The following CNTN5 variants were observed in gnomAD, a reference collection of about 807,000 sequenced individuals.
CNTN5 encodes the protein contactin 5, also known as contactin-5.
In CNTN5, 77 loss-of-function variants were observed where a neutral mutation model predicts 129.1. The ratio of observed to expected loss-of-function variants is 0.60; its 90% CI spans 0.50 to 0.72. The LOEUF (loss-of-function observed/expected upper bound fraction) is 0.72, where lower values mean the gene tolerates loss of function less well. Among genes scored for constraint, CNTN5 ranks in the 30% least tolerant of loss-of-function variants. CNTN5 has a pLI of 0.00. For missense variants in CNTN5, 1,478 were observed against 1,328.8 expected (o/e 1.11, Z -1.75); for synonymous variants, 509 against 465.6 (o/e 1.09, Z -1.20).
intron 18 of CNTN5, among the ~76,000 whole-genome samples, chr11:100,273,811 T>C (rs1037258016): frequency 6.6e-6 from 1 of 152,232 alleles, no homozygotes; most frequent in African/African-American, 2.4e-5. Flanking sequence ...AAGCAATTTA[T>C]AGAGTTCATG....
intron 21 of CNTN5, among the ~76,000 whole-genome samples, chr11:100,312,936 T>A (rs2138935830): frequency 6.6e-6 from 1 of 152,116 alleles, no homozygotes; most frequent in South Asian, 2.1e-4. Context: ...AGGAAACACA[T>A]AAGTAATAAG....
At position 100,058,911 on chromosome 11, in the gene CNTN5, C is replaced by G. The variant is rs536047329; in HGVS notation, c.981-2301C>G. Among the ~76,000 whole-genome samples, 4 of 152,202 alleles carry G rather than the reference C, an allele frequency of 2.6e-5. No individual in the cohort carries two copies. The South Asian group carries it at 6.2e-4, about 24-fold the overall frequency. On this transcript the variant is annotated intron_variant, in intron 9 of 24. Coordinates refer to ENST00000524871, the MANE Select transcript of CNTN5 (RefSeq NM_014361.4). ...TTTGCTGAAGAGGAGGCATTTAGGA[C>G]AGGTCTCAGAGGATGAGTAGCATTT...
chr11:99,816,833 G>A (rs544689442), intron 3 of CNTN5, among the ~76,000 whole-genome samples: 8 of 151,930 alleles, frequency 5.3e-5, no homozygotes, highest in East Asian at 1.9e-4. Context: ...AATACCCTGC[G>A]CTCCTATTTT....
chr11:99,919,436 C>T (rs1201200977), intron 7 of CNTN5, among the ~76,000 whole-genome samples: 1 of 152,166 alleles, frequency 6.6e-6, no homozygotes, highest in Non-Finnish European at 1.5e-5. Flanking sequence ...CCAATGCCCT[C>T]TTCATTCAGC....
chr11:99,108,178 A>G lies in CNTN5; in HGVS notation c.-210+86908A>G, dbSNP rs530112876. 1.2e-4 allele frequency among the ~76,000 whole-genome samples: 18 copies of G among 152,280 alleles called. 1 individual carries two copies. In the South Asian group the frequency reaches 3.7e-3, roughly 32 times the overall value. On this transcript the variant is annotated intron_variant, in intron 1 of 24. Coordinates refer to ENST00000524871, the MANE Select transcript of CNTN5 (RefSeq NM_014361.4). ...GAGATTACAGTGGATTAGAATTTGT[A>G]TATAACAAAGGCTTTTTGTAAAAGT...
rs948917040 is a variant in CNTN5, at chr11:99,851,916, C to T, written c.577+6654C>T. Reference sequence around the variant, plus strand: ...AAATTGACCTTAGAGTTTAAAACCACATTTTACTAGTAGTGTTTAATACCT... The same window carrying T: ...AAATTGACCTTAGAGTTTAAAACCATATTTTACTAGTAGTGTTTAATACCT... On this transcript the variant is annotated intron_variant, in intron 6 of 24. Coordinates refer to ENST00000524871, the MANE Select transcript of CNTN5 (RefSeq NM_014361.4). Among the ~76,000 whole-genome samples, 43 of 152,280 alleles carry T rather than the reference C, an allele frequency of 2.8e-4. 1 individual carries two copies. The highest frequency in any genetic ancestry group is 9.9e-4 in the African/African-American group (41 of 41,570).
intron 13 of CNTN5, among the ~76,000 whole-genome samples, chr11:100,149,066 A>AAGTT (rs776946857): frequency 2.6e-5 from 4 of 152,172 alleles, no homozygotes; most frequent in African/African-American, 7.2e-5. Flanking sequence ...GTTTTTTCAA[A>AAGTT]AGTTAATAGA....
chr11:99,585,211 A>G (rs985458439), intron 3 of CNTN5, among the ~76,000 whole-genome samples: 1 of 152,260 alleles, frequency 6.6e-6, no homozygotes, highest in African/African-American at 2.4e-5. Context: ...ATTACTCATT[A>G]CAACTAGCCT....
chr11:99,323,308 A>G (rs911991599), intron 1 of CNTN5, among the ~76,000 whole-genome samples: 1 of 152,166 alleles, frequency 6.6e-6, no homozygotes, highest in East Asian at 1.9e-4. Flanking sequence ...CGTCATCACA[A>G]CATACTGTCT....
chr11:99,209,323 A>G (rs1347095297), intron 1 of CNTN5, among the ~76,000 whole-genome samples: 1 of 152,196 alleles, frequency 6.6e-6, no homozygotes, highest in Non-Finnish European at 1.5e-5. Flanking sequence ...CAGGCTGTAC[A>G]GGAAGCTTGT....
At chr11:99,987,970 T>C (rs1938800423) in intron 8 of CNTN5, among the ~76,000 whole-genome samples, 1 of 152,346 alleles carries the variant, frequency 6.6e-6, no homozygotes, top group African/African-American at 2.4e-5. Flanking sequence ...AGATGTTCAG[T>C]TAATGTTTAT....
chr11:100,169,007 T>C (rs1947742493), intron 13 of CNTN5, among the ~76,000 whole-genome samples: 1 of 151,864 alleles, frequency 6.6e-6, no homozygotes, highest in Non-Finnish European at 1.5e-5. Context: ...GCAAGAGTAG[T>C]ATTGGAATTG....
intron 3 of CNTN5, among the ~76,000 whole-genome samples, chr11:99,800,886 T>C (rs1157383852): frequency 6.6e-6 from 1 of 152,150 alleles, no homozygotes; most frequent in Non-Finnish European, 1.5e-5. Flanking sequence ...AAATTGCCAC[T>C]CTGTTCCTTT....
At chr11:100,138,698 T>A (rs2138243598) in intron 13 of CNTN5, among the ~76,000 whole-genome samples, 1 of 152,198 alleles carries the variant, frequency 6.6e-6, no homozygotes, top group African/African-American at 2.4e-5. Flanking sequence ...ACTTTGATTT[T>A]TCACTTTGAG....
At chr11:100,148,272 T>A (rs941394443) in intron 13 of CNTN5, among the ~76,000 whole-genome samples, 1 of 152,210 alleles carries the variant, frequency 6.6e-6, no homozygotes, top group African/African-American at 2.4e-5. Context: ...TGTCATTTAA[T>A]ATCTCAGCCC....
At chr11:99,054,512 G>T (rs1864553559) in intron 1 of CNTN5, among the ~76,000 whole-genome samples, 1 of 151,886 alleles carries the variant, frequency 6.6e-6, no homozygotes, top group Non-Finnish European at 1.5e-5. Context: ...GAGTTAAATA[G>T]TACTATTGTT....
At chr11:99,056,705 A>G (rs1864638723) in intron 1 of CNTN5, among the ~76,000 whole-genome samples, 1 of 152,026 alleles carries the variant, frequency 6.6e-6, no homozygotes, top group African/African-American at 2.4e-5. Flanking sequence ...AAGTTCAACA[A>G]GTTCCCAGCT....
chr11:99,071,324 A>G (rs1266818138), intron 1 of CNTN5, among the ~76,000 whole-genome samples: 1 of 152,148 alleles, frequency 6.6e-6, no homozygotes, highest in African/African-American at 2.4e-5. Context: ...GCTTCTTTCT[A>G]GAAATCCCAG....
intron 8 of CNTN5, among the ~76,000 whole-genome samples, chr11:99,983,669 C>G (rs963451665): frequency 6.6e-6 from 1 of 152,142 alleles, no homozygotes; most frequent in Non-Finnish European, 1.5e-5. Flanking sequence ...TGACAATATG[C>G]TACCATTTCA....
Sources: allele counts gnomAD v4.1 joint callset (sites outside exome capture counted in the v4.1 genomes callset), GRCh38; gene constraint gnomAD v4.1.1; transcripts MANE v1.5; gene names NCBI Gene and HGNC (gene_info 2026-07-23, HGNC 2026-07-21).